Variants in XYLT1 observed in about 807,000 individuals in gnomAD.
The protein encoded by XYLT1 is beta-D-xylosyltransferase 1.
A neutral mutation model predicts 91.3 loss-of-function variants in XYLT1; 36 were observed. The observed-to-expected ratio is 0.39, with a 90% CI of 0.30 to 0.52. The LOEUF (loss-of-function observed/expected upper bound fraction) is 0.52. Ranked by LOEUF, XYLT1 falls within the 20% of genes least tolerant of loss-of-function variation. The pLI is 0.68. For missense variants in XYLT1, 1,242 were observed against 1,284.5 expected (o/e 0.97, Z 0.51); for synonymous variants, 588 against 532.0 (o/e 1.11, Z -1.45).
chr16:17,187,741 G>A (rs1428578053), intron 5 of XYLT1, among the ~76,000 whole-genome samples: 1 of 151,492 alleles, frequency 6.6e-6, no homozygotes, highest in Non-Finnish European at 1.5e-5. Context: ...CGCCTCCCAG[G>A]TTCAAGCAAT....
chr16:17,130,847 C>T (rs1379226463), intron 9 of XYLT1, among the ~76,000 whole-genome samples: 1 of 149,480 alleles, frequency 6.7e-6, no homozygotes, highest in Non-Finnish European at 1.5e-5. Flanking sequence ...ATCCAAACTC[C>T]TTACCTGGTC....
chr16:17,436,765 T>C (rs1189088452), intron 1 of XYLT1, among the ~76,000 whole-genome samples: 1 of 152,256 alleles, frequency 6.6e-6, no homozygotes, highest in East Asian at 1.9e-4. Context: ...AAACACAATT[T>C]ACATCTCCAC....
intron 4 of XYLT1, among the ~76,000 whole-genome samples, chr16:17,199,994 G>A (rs867035240): frequency 4.6e-5 from 7 of 151,900 alleles, no homozygotes; most frequent in East Asian, 1.9e-4. Flanking sequence ...AGGCTGAGGC[G>A]GGCAGATCAC....
chr16:17,147,661 G>A (rs1037046457), intron 6 of XYLT1, among the ~76,000 whole-genome samples: 1 of 152,212 alleles, frequency 6.6e-6, no homozygotes, highest in East Asian at 1.9e-4. Flanking sequence ...AGTCACAGGG[G>A]TGAATGGGGA....
At chr16:17,287,343 C>T (rs140564375) in intron 2 of XYLT1, among the ~76,000 whole-genome samples, 276 of 152,208 alleles carry the variant, frequency 1.8e-3, no homozygotes, top group Non-Finnish European at 2.2e-3. Context: ...ACGCTCAGAA[C>T]GTAGACGGAT....
chr16:17,315,235 C>T (rs1348536578), intron 2 of XYLT1, among the ~76,000 whole-genome samples: 2 of 152,198 alleles, frequency 1.3e-5, no homozygotes, highest in African/African-American at 4.8e-5. Flanking sequence ...CTCCATTCAA[C>T]CCAAACTCAT....
At chr16:17,225,781 T>A (rs929723187) in intron 3 of XYLT1, among the ~76,000 whole-genome samples, 1 of 152,184 alleles carries the variant, frequency 6.6e-6, no homozygotes, top group Non-Finnish European at 1.5e-5. Context: ...CAATGCCCCA[T>A]GAATCATAAA....
Position 17,315,842 on chromosome 16 carries a change from A to G in XYLT1, c.402+42170T>C, listed in dbSNP as rs766748083. On this transcript the variant is annotated intron_variant, in intron 2 of 11. Transcript: ENST00000261381. ...AGTTTCTCTGAACTCAAATTAGATG[A>G]CCTTGCCCTGATCATGCCTCGGCAA... Among the ~76,000 whole-genome samples the G allele has an allele frequency of 4.6e-5, 7 of 152,046 alleles. No individual in the cohort carries two copies. The East Asian group carries it at 9.6e-4, about 21-fold the overall frequency.
chr16:17,344,104 C>T (rs2035105797), intron 2 of XYLT1, among the ~76,000 whole-genome samples: 1 of 152,048 alleles, frequency 6.6e-6, no homozygotes, highest in Non-Finnish European at 1.5e-5. Context: ...ATTTGTGAGA[C>T]AACTGGAGGA....
Position 17,330,104 on chromosome 16 carries a change from TACACAC to T in XYLT1, c.402+27902_402+27907del, listed in dbSNP as rs35148093. Among the ~76,000 whole-genome samples, 28 of 144,586 alleles carry T rather than the reference TACACAC, an allele frequency of 1.9e-4. No individual in the cohort carries two copies. In the South Asian group the frequency reaches 2.2e-3, roughly 12 times the overall value. 94.9% of individuals were successfully genotyped at this position (144,586 alleles called of 152,430 possible). On this transcript the variant is annotated intron_variant, in intron 2 of 11. Transcript: ENST00000261381. ...TATATGCACCACATATGGAGGTAGATACACACACACACACACACACACACACACACA... is the reference window on the plus strand; with the variant it reads ...TATATGCACCACATATGGAGGTAGATACACACACACACACACACACACACA...
chr16:17,413,158 G>A (rs1368011872), intron 1 of XYLT1, among the ~76,000 whole-genome samples: 1 of 152,142 alleles, frequency 6.6e-6, no homozygotes, highest in Non-Finnish European at 1.5e-5. Flanking sequence ...GAGAGGTATG[G>A]CCACAGTCAT....
At chr16:17,352,203 T>C (rs1051683887) in intron 2 of XYLT1, among the ~76,000 whole-genome samples, 2 of 152,204 alleles carry the variant, frequency 1.3e-5, no homozygotes, top group African/African-American at 2.4e-5. Context: ...TGAGAACTAC[T>C]GGTTTATACT....
chr16:17,190,132 A>T (rs1217486346), intron 5 of XYLT1, among the ~76,000 whole-genome samples: 1 of 152,146 alleles, frequency 6.6e-6, no homozygotes, highest in Non-Finnish European at 1.5e-5. Flanking sequence ...GAGACTGAGG[A>T]GAGGTTTCTG....
intron 5 of XYLT1, chr16:17,198,009 A>T: frequency 1.6e-6 from 1 of 632,116 alleles, no homozygotes; most frequent in Non-Finnish European, 2.7e-6. Context: ...AGAGCTGGGA[A>T]AACCACGTGC....
chr16:17,129,167 GGGAGTGGAAAGTCCAGCGACTGT>G (rs2030380105), intron 9 of XYLT1, among the ~76,000 whole-genome samples: 1 of 151,840 alleles, frequency 6.6e-6, no homozygotes, highest in Non-Finnish European at 1.5e-5. Flanking sequence ...TCTGGACTTT[GGGAGTGGAAAGTCCAGCGACTGT>G]GCTGTCATTC....
At chr16:17,274,520 T>C (rs1205608694) in intron 2 of XYLT1, among the ~76,000 whole-genome samples, 4 of 152,156 alleles carry the variant, frequency 2.6e-5, no homozygotes, top group African/African-American at 9.7e-5. Flanking sequence ...GGTGGAATTC[T>C]GAGAAAAGAG....
At chr16:17,458,617 A>G (rs2141957297) in intron 1 of XYLT1, among the ~76,000 whole-genome samples, 1 of 152,242 alleles carries the variant, frequency 6.6e-6, no homozygotes, top group Admixed American at 6.5e-5. Flanking sequence ...TTACCAGAGG[A>G]GCAAAGACTC....
At chr16:17,345,041 C>T (rs1262723265) in intron 2 of XYLT1, among the ~76,000 whole-genome samples, 1 of 152,158 alleles carries the variant, frequency 6.6e-6, no homozygotes, top group Non-Finnish European at 1.5e-5. Context: ...CATGTCTGAA[C>T]ATACCCCAGG....
chr16:17,216,051 G>T (rs978076018), intron 3 of XYLT1, among the ~76,000 whole-genome samples: 6 of 152,164 alleles, frequency 3.9e-5, no homozygotes, highest in Non-Finnish European at 8.8e-5. Context: ...CCCATATCCT[G>T]CACTCTGTGC....
Sources: gnomAD v4.1 joint callset for allele counts (sites outside exome capture counted in the v4.1 genomes callset) on GRCh38, gnomAD v4.1.1 for gene constraint, MANE v1.5 for transcripts, NCBI Gene and HGNC (gene_info 2026-07-23, HGNC 2026-07-21) for gene names.